Variants in JMJD1C observed in about 807,000 individuals in gnomAD.
JMJD1C encodes jumonji domain-containing protein 1C.
Under a neutral mutation model 245.3 loss-of-function variants are expected in JMJD1C, and 31 were observed. That is an observed-to-expected ratio of 0.13 (90% confidence interval 0.09 to 0.17). The LOEUF (loss-of-function observed/expected upper bound fraction) is 0.17. Ranked by LOEUF, JMJD1C falls within the 10% of genes least tolerant of loss-of-function variation. JMJD1C has a pLI of 1.00. For synonymous variants in JMJD1C, 1,057 were observed against 1,017.4 expected, an observed-to-expected ratio of 1.04 and a Z score of -0.74; for missense variants, 2,691 against 3,000.2, an observed-to-expected ratio of 0.90 and a Z score of 2.41.
At position 63,306,336 on chromosome 10, in the gene JMJD1C, C is replaced by G. The variant is rs528126698; in HGVS notation, c.334-41572G>C. On this transcript the variant is annotated intron_variant, in intron 2 of 25. Transcript: ENST00000399262. ...AACTACTGGCCTCGAATGATCTGCCCGTCTTGGCCTCCCAAAGTACTGGAA... is the reference window on the plus strand; with the variant it reads ...AACTACTGGCCTCGAATGATCTGCCGGTCTTGGCCTCCCAAAGTACTGGAA... Among the ~76,000 whole-genome samples the G allele has an allele frequency of 9.4e-4, 143 of 152,276 alleles. 1 individual carries two copies. The highest frequency in any genetic ancestry group is 3.4e-3 in the African/African-American group (141 of 41,554).
At chr10:63,317,373 C>T (rs892543947) in intron 2 of JMJD1C, among the ~76,000 whole-genome samples, 1 of 151,988 alleles carries the variant, frequency 6.6e-6, no homozygotes, top group African/African-American at 2.4e-5. Flanking sequence ...GGCACAGTGG[C>T]GTGTGCCTGT....
At chr10:63,373,778 A>G (rs1471998442) in intron 2 of JMJD1C, among the ~76,000 whole-genome samples, 2 of 152,206 alleles carry the variant, frequency 1.3e-5, no homozygotes, top group Non-Finnish European at 2.9e-5. Context: ...ATTACGCTGT[A>G]GGAATTTTAA....
intron 1 of JMJD1C, among the ~76,000 whole-genome samples, chr10:63,507,125 T>C (rs1409459248): frequency 1.3e-5 from 2 of 152,196 alleles, no homozygotes; most frequent in East Asian, 1.9e-4. Context: ...TAATATTTCA[T>C]TGTCAAAATG....
chr10:63,490,665 C>T (rs957520289), intron 1 of JMJD1C, among the ~76,000 whole-genome samples: 2 of 152,104 alleles, frequency 1.3e-5, no homozygotes, highest in African/African-American at 4.8e-5. Context: ...CCACCCACCT[C>T]GGCTTCCCAA....
At chr10:63,251,967 C>G (rs1315717747) in intron 3 of JMJD1C, among the ~76,000 whole-genome samples, 3 of 152,122 alleles carry the variant, frequency 2.0e-5, no homozygotes, top group African/African-American at 7.2e-5. Flanking sequence ...GAGACAAGAT[C>G]GTGCCACTGC....
chr10:63,276,916 G>A (rs1276252818), intron 2 of JMJD1C, among the ~76,000 whole-genome samples: 3 of 89,800 alleles, frequency 3.3e-5, no homozygotes, highest in Non-Finnish European at 6.2e-5. Context: ...AGAGAGTCTC[G>A]CTCTGTCGCC....
intron 2 of JMJD1C, among the ~76,000 whole-genome samples, chr10:63,343,241 C>G (rs1485484356): frequency 6.6e-6 from 1 of 151,966 alleles, no homozygotes; most frequent in African/African-American, 2.4e-5. Context: ...TGGCACACAC[C>G]TGTAGTCCCA....
At position 63,324,863 on chromosome 10, in the gene JMJD1C, G is replaced by A. The variant is rs542136140; in HGVS notation, c.333+55455C>T. Among the ~76,000 whole-genome samples, 10 of 152,272 alleles carry A rather than the reference G, an allele frequency of 6.6e-5. No individual in the cohort carries two copies. In the South Asian group the frequency reaches 1.9e-3, roughly 28 times the overall value. ...AATAGAAAAGACAGAACTTGAACTA[G>A]GCTTTCAGCTAGATTTTGAGTTAAA... On this transcript the variant is annotated intron_variant, in intron 2 of 25. Coordinates refer to ENST00000399262, the MANE Select transcript of JMJD1C (RefSeq NM_032776.3).
intron 2 of JMJD1C, among the ~76,000 whole-genome samples, chr10:63,315,510 T>G (rs1444092442): frequency 6.6e-6 from 1 of 152,118 alleles, no homozygotes; most frequent in Non-Finnish European, 1.5e-5. Flanking sequence ...TGCCTGGAAG[T>G]TTTTTTCTCT....
At chr10:63,459,150 C>T (rs998358370) in intron 1 of JMJD1C, among the ~76,000 whole-genome samples, 1 of 152,134 alleles carries the variant, frequency 6.6e-6, no homozygotes, top group Non-Finnish European at 1.5e-5. Context: ...AGAACAGAAC[C>T]CTAAAAGTGG....
chr10:63,456,362 T>C (rs1330280919), intron 1 of JMJD1C, among the ~76,000 whole-genome samples: 1 of 152,152 alleles, frequency 6.6e-6, no homozygotes, highest in Non-Finnish European at 1.5e-5. Flanking sequence ...TAAATTCTTA[T>C]ACAAATATTT....
At chr10:63,389,468 T>C (rs1020333286) in intron 1 of JMJD1C, among the ~76,000 whole-genome samples, 54 of 147,410 alleles carry the variant, frequency 3.7e-4, no homozygotes, top group Middle Eastern at 3.5e-3. Flanking sequence ...TTTTTTTTTT[T>C]CCCAAAAACT....
intron 2 of JMJD1C, among the ~76,000 whole-genome samples, chr10:63,326,879 C>T (rs1013569531): frequency 2.0e-5 from 3 of 151,996 alleles, no homozygotes; most frequent in Non-Finnish European, 1.5e-5. Context: ...AACTCTGTCT[C>T]AAAACAAAAA....
At chr10:63,416,889 C>A (rs1564897786) in intron 1 of JMJD1C, among the ~76,000 whole-genome samples, 1 of 152,188 alleles carries the variant, frequency 6.6e-6, no homozygotes, top group Admixed American at 6.5e-5. Flanking sequence ...TTTCACACTG[C>A]AAAAAGTGCT....
At chr10:63,303,796 A>G (rs1860371224) in intron 2 of JMJD1C, among the ~76,000 whole-genome samples, 1 of 152,228 alleles carries the variant, frequency 6.6e-6, no homozygotes, top group African/African-American at 2.4e-5. Flanking sequence ...TATTTCTGTC[A>G]CAGTAATAGC....
intron 2 of JMJD1C, among the ~76,000 whole-genome samples, chr10:63,321,696 C>T (rs769987886): frequency 6.6e-6 from 1 of 152,218 alleles, no homozygotes; most frequent in Non-Finnish European, 1.5e-5. Context: ...GAAAGGGCCT[C>T]TGCACTATCC....
At chr10:63,394,321 A>T (rs1041614570) in intron 1 of JMJD1C, among the ~76,000 whole-genome samples, 2 of 152,200 alleles carry the variant, frequency 1.3e-5, no homozygotes, top group African/African-American at 4.8e-5. Context: ...AAAATGTGCA[A>T]AGGTAATTCA....
At chr10:63,354,085 C>T (rs1033405329) in intron 2 of JMJD1C, among the ~76,000 whole-genome samples, 4 of 152,120 alleles carry the variant, frequency 2.6e-5, no homozygotes, top group East Asian at 1.9e-4. Context: ...ATGATCTGCC[C>T]GCCTTGGCCT....
chr10:63,253,840 G>T (rs1853454028), intron 3 of JMJD1C, among the ~76,000 whole-genome samples: 2 of 152,268 alleles, frequency 1.3e-5, no homozygotes, highest in African/African-American at 4.8e-5. Flanking sequence ...CCTACGACCA[G>T]AATGAATTCC....
Sources: gnomAD v4.1 joint callset for allele counts (sites outside exome capture counted in the v4.1 genomes callset) on GRCh38, gnomAD v4.1.1 for gene constraint, MANE v1.5 for transcripts, NCBI Gene and HGNC (gene_info 2026-07-23, HGNC 2026-07-21) for gene names.